KCNQ1: variants seen among roughly 807,000 people sequenced by gnomAD.
KCNQ1 encodes potassium voltage-gated channel subfamily KQT member 1.
KCNQ1 carries 49 observed loss-of-function variants against 72.4 expected under a neutral mutation model. The observed-to-expected ratio is 0.68, with a 90% CI of 0.54 to 0.86. The LOEUF (loss-of-function observed/expected upper bound fraction) is 0.86, where lower values mean the gene tolerates loss of function less well. Among genes scored for constraint, KCNQ1 ranks in the 40% least tolerant of loss-of-function variants. KCNQ1 has a pLI of 0.00. For synonymous variants in KCNQ1, 450 were observed against 412.6 expected, an observed-to-expected ratio of 1.09 and a Z score of -1.10; for missense variants, 790 against 945.1, an observed-to-expected ratio of 0.84 and a Z score of 2.15.
At chr11:2,667,163 G>A (rs1850090264) in intron 11 of KCNQ1, 1 of 398,616 alleles carries the variant, frequency 2.5e-6, no homozygotes, top group Non-Finnish European at 4.4e-6. Flanking sequence ...CCCTCAATCT[G>A]GCTTCCAGCC....
intron 10 of KCNQ1, chr11:2,634,202 G>T: frequency 2.5e-6 from 1 of 394,372 alleles, no homozygotes; most frequent in East Asian, 3.6e-5. Flanking sequence ...TAAGTTCTAG[G>T]GTACATGTGC....
At chr11:2,797,796 C>T (rs997790394) in intron 15 of KCNQ1, among the ~76,000 whole-genome samples, 2 of 152,156 alleles carry the variant, frequency 1.3e-5, no homozygotes, top group African/African-American at 4.8e-5. Context: ...ACCCTGACCA[C>T]ATGGCCTTCG....
In KCNQ1 at chr11:2,640,296, C is replaced by T. The variant is rs1849553150; in HGVS notation, c.1394-21665C>T. 7.5e-6 allele frequency: 3 copies of T among 398,128 alleles called. No homozygotes were observed. The South Asian group carries it at 4.2e-4, about 56-fold the overall frequency. The allele number at this position is 398,128 out of a possible 1,614,324, so 24.7% of individuals were successfully genotyped here. On this transcript the variant is annotated intron_variant, in intron 10 of 15. Coordinates refer to ENST00000155840, the MANE Select transcript of KCNQ1 (RefSeq NM_000218.3). ...TGCAGAAATCACCCATCTTCTGCGT[C>T]ACTCACGCTGGGAGCTATAGACTGG... is the stretch of plus-strand genomic sequence containing the variant.
chr11:2,576,363 G>T (rs1811764176), intron 6 of KCNQ1, among the ~76,000 whole-genome samples: 1 of 152,232 alleles, frequency 6.6e-6, no homozygotes, highest in Non-Finnish European at 1.5e-5. Flanking sequence ...GCCTGCCCTG[G>T]CTGCCAAGGC....
intron 1 of KCNQ1, among the ~76,000 whole-genome samples, chr11:2,506,908 A>G (rs1847114216): frequency 6.6e-6 from 1 of 151,796 alleles, no homozygotes; most frequent in Non-Finnish European, 1.5e-5. Context: ...AACTTCTTCC[A>G]TTGGGTTTTT....
rs1198226830 is a variant in KCNQ1 at position 2,781,819 on chromosome 11, A to T, written c.1794+3782A>T. 6.6e-6 allele frequency among the ~76,000 whole-genome samples: 1 copy of T among 152,034 alleles called. No homozygotes were observed. The highest frequency in any genetic ancestry group is 1.5e-5 in the Non-Finnish European group (1 of 68,004). On this transcript the variant is annotated intron_variant, in intron 15 of 15. Coordinates refer to ENST00000155840, the MANE Select transcript of KCNQ1 (RefSeq NM_000218.3). This position sits in a 1 kb window ranked among gnomAD's most constrained non-coding sequence, Gnocchi z 6.6. ...CATGGCTGAGAGCCGGACACAGGGGAGTCCTGGGTTTCCATGCCGCAGTTC... is the reference window on the plus strand; with the variant it reads ...CATGGCTGAGAGCCGGACACAGGGGTGTCCTGGGTTTCCATGCCGCAGTTC...
chr11:2,605,587 A>G (rs1018781298), intron 10 of KCNQ1, among the ~76,000 whole-genome samples: 13 of 152,248 alleles, frequency 8.5e-5, no homozygotes, highest in African/African-American at 2.4e-4. Context: ...TCAAAAATCA[A>G]TTGACCATAG....
chr11:2,505,972 T>G lies in KCNQ1; in HGVS notation c.387-21956T>G, dbSNP rs975003910. Among the ~76,000 whole-genome samples the G allele has an allele frequency of 2.0e-5, 3 of 152,168 alleles. 1 individual carries two copies. The highest frequency in any genetic ancestry group is 4.4e-5 in the Non-Finnish European group (3 of 68,036). On this transcript the variant is annotated intron_variant, in intron 1 of 15. Transcript: ENST00000155840. ...CCTTTTGATATACAGACTTTACATT[T>G]TCATAAAATTTAATTTGTCCACGTG...
intron 15 of KCNQ1, among the ~76,000 whole-genome samples, chr11:2,847,565 T>C (rs916185323): frequency 1.3e-5 from 2 of 152,182 alleles, no homozygotes; most frequent in African/African-American, 2.4e-5. Flanking sequence ...TCGGCACACA[T>C]GCACATTCCT....
chr11:2,556,422 T>C lies in KCNQ1; in HGVS notation c.478-14206T>C, dbSNP rs117318865. ...CTTTAATCCAAGGGTCCGTAAACCA[T>C]AGCCTACAAACCTGGCTGCTGATCT... On this transcript the variant is annotated intron_variant, in intron 2 of 15. Coordinates refer to ENST00000155840, the MANE Select transcript of KCNQ1 (RefSeq NM_000218.3). Among the ~76,000 whole-genome samples the C allele has an allele frequency of 6.9e-4, 105 of 152,260 alleles. 3 individuals are homozygous for C. In the East Asian group the frequency reaches 0.018, roughly 26 times the overall value.
rs1020842349 is a variant in KCNQ1 at position 2,579,880 on chromosome 11, G to T, written c.922-3555G>T. ...GGGGGCAGGTTTGGAAGGTGGTCTC[G>T]GGTGTCCTTACGCGAGCAGGTGGCT... is the stretch of plus-strand genomic sequence containing the variant. On this transcript the variant is annotated intron_variant, in intron 6 of 15. Transcript: ENST00000155840. The surrounding 1 kb of genome is among the most constrained non-coding windows in gnomAD (Gnocchi z 6.0). 6.6e-6 allele frequency among the ~76,000 whole-genome samples: 1 copy of T among 152,006 alleles called. No homozygotes were observed. The highest frequency in any genetic ancestry group is 1.5e-5 in the Non-Finnish European group (1 of 67,994).
rs528436802 is a variant in KCNQ1, at chr11:2,670,670, G to T, written c.1514+8589G>T. Reference sequence around the variant, plus strand: ...ATGAACCCTGAAGATTGGTAGGAAGGCAGTGTAGCAGTAACAAGACAAAGG... The same window carrying T: ...ATGAACCCTGAAGATTGGTAGGAAGTCAGTGTAGCAGTAACAAGACAAAGG... On this transcript the variant is annotated intron_variant, in intron 11 of 15. Transcript: ENST00000155840. This position sits in a 1 kb window ranked among gnomAD's most constrained non-coding sequence, Gnocchi z 4.9. 9.3e-5 allele frequency: 37 copies of T among 398,646 alleles called. No homozygotes were observed. Among genetic ancestry groups the T allele is most frequent in the African/African-American group, 7.6e-4 (37 of 48,732 alleles). 24.7% of individuals were successfully genotyped at this position (398,646 alleles called of 1,614,324 possible). A position where few individuals can be genotyped will look rare whatever the true frequency, so the allele number is the denominator to read the frequency against.
chr11:2,467,233 C>T (rs1283988258), intron 1 of KCNQ1, among the ~76,000 whole-genome samples: 2 of 152,164 alleles, frequency 1.3e-5, no homozygotes, highest in East Asian at 3.9e-4. Flanking sequence ...CTCCCCATTG[C>T]ACAGGGCTCC....
Position 2,611,842 on chromosome 11 carries a change from T to C in KCNQ1, c.1393+22988T>C, listed in dbSNP as rs1419253916. 3 of 398,394 alleles carry C rather than the reference T, an allele frequency of 7.5e-6. No individual in the cohort carries two copies. Among genetic ancestry groups the C allele is most frequent in the East Asian group, 3.6e-5 (1 of 28,036 alleles). 24.7% of individuals were successfully genotyped at this position (398,394 alleles called of 1,614,324 possible). A position where few individuals can be genotyped will look rare whatever the true frequency, so the allele number is the denominator to read the frequency against. ...TGAATAGATATGTTCTAGAGTACCA[T>C]TCTAATTCCTTTGTTAGTTTATTTC... On this transcript the variant is annotated intron_variant, in intron 10 of 15. Coordinates refer to ENST00000155840, the MANE Select transcript of KCNQ1 (RefSeq NM_000218.3). This position sits in a 1 kb window ranked among gnomAD's most constrained non-coding sequence, Gnocchi z 5.3.
chr11:2,740,177 T>G (rs1450214838), intron 11 of KCNQ1, among the ~76,000 whole-genome samples: 1 of 150,224 alleles, frequency 6.7e-6, no homozygotes, highest in Non-Finnish European at 1.5e-5. Flanking sequence ...TGAGATGGGC[T>G]GGGCCTGGCC....
Position 2,782,269 on chromosome 11 carries a change from C to T in KCNQ1, c.1794+4232C>T, listed in dbSNP as rs549034720. 1.2e-4 allele frequency among the ~76,000 whole-genome samples: 19 copies of T among 152,282 alleles called. No homozygotes were observed. Among genetic ancestry groups the T allele is most frequent in the Admixed American group, 2.6e-4 (4 of 15,300 alleles). On this transcript the variant is annotated intron_variant, in intron 15 of 15. Transcript: ENST00000155840. The surrounding 1 kb of genome is among the most constrained non-coding windows in gnomAD (Gnocchi z 6.1). ...TTTTTCCAGCCATATATGCGGTCTCCGGCCTCTCCTCACACCCACCAATCC... is the reference window on the plus strand; with the variant it reads ...TTTTTCCAGCCATATATGCGGTCTCTGGCCTCTCCTCACACCCACCAATCC...
At position 2,575,673 on chromosome 11, in the gene KCNQ1, C is replaced by T. The variant is rs144515456; in HGVS notation, c.921+2687C>T. ...CAGCCAGGGCTGCTCCATGTCTGTC[C>T]GTCCGTCGGGGCTGCCACAGGCCCT... On this transcript the variant is annotated intron_variant, in intron 6 of 15. Coordinates refer to ENST00000155840, the MANE Select transcript of KCNQ1 (RefSeq NM_000218.3). Among the ~76,000 whole-genome samples, 95 of 152,336 alleles carry T rather than the reference C, an allele frequency of 6.2e-4. 1 individual carries two copies. Among genetic ancestry groups the T allele is most frequent in the Non-Finnish European group, 1.0e-3 (69 of 68,022 alleles).
rs1218026350 is a variant in KCNQ1 at position 2,600,408 on chromosome 11, T to A, written c.1393+11554T>A. 6.6e-6 allele frequency among the ~76,000 whole-genome samples: 1 copy of A among 152,224 alleles called. No individual in the cohort carries two copies. The highest frequency in any genetic ancestry group is 1.5e-5 in the Non-Finnish European group (1 of 68,026). ...CACCTACATACCCTTCACTAAGATT[T>A]ACCAGTTTACTAATTGTTACATTTT... is the stretch of plus-strand genomic sequence containing the variant. On this transcript the variant is annotated intron_variant, in intron 10 of 15. Coordinates refer to ENST00000155840, the MANE Select transcript of KCNQ1 (RefSeq NM_000218.3). The surrounding 1 kb of genome is among the most constrained non-coding windows in gnomAD (Gnocchi z 5.6).
chr11:2,599,252 G>A lies in KCNQ1; in HGVS notation c.1393+10398G>A, dbSNP rs931842120. 1.3e-5 allele frequency among the ~76,000 whole-genome samples: 2 copies of A among 152,018 alleles called. No homozygotes were observed. Among genetic ancestry groups the A allele is most frequent in the South Asian group, 2.1e-4 (1 of 4,806 alleles). On this transcript the variant is annotated intron_variant, in intron 10 of 15. Transcript: ENST00000155840. The surrounding 1 kb of genome is among the most constrained non-coding windows in gnomAD (Gnocchi z 4.7). ...CATTATCATTGTTTTCCAAACTCACGGGATCATATCATACCTGCTTTCTGC... is the reference window on the plus strand; with the variant it reads ...CATTATCATTGTTTTCCAAACTCACAGGATCATATCATACCTGCTTTCTGC...
Sources: gnomAD v4.1 joint callset for allele counts (sites outside exome capture counted in the v4.1 genomes callset) on GRCh38, gnomAD v4.1.1 for gene constraint, Gnocchi (gnomAD v3.1) non-coding constraint, MANE v1.5 for transcripts, NCBI Gene and HGNC (gene_info 2026-07-23, HGNC 2026-07-21) for gene names.